Variants in CTSS observed in about 807,000 individuals in gnomAD.
The protein encoded by CTSS is cathepsin S.
In CTSS, 15 loss-of-function variants were observed where a neutral mutation model predicts 39.9. The observed-to-expected ratio is 0.38, with a 90% CI of 0.25 to 0.58. The LOEUF (loss-of-function observed/expected upper bound fraction) is 0.58, where lower values mean the gene tolerates loss of function less well. Ranked by LOEUF, CTSS falls within the 20% of genes least tolerant of loss-of-function variation. The pLI is 0.70. For missense variants in CTSS, 250 were observed against 398.2 expected, an observed-to-expected ratio of 0.63 and a Z score of 3.17; for synonymous variants, 126 against 138.2, an observed-to-expected ratio of 0.91 and a Z score of 0.62.
In CTSS at chr1:150,751,022, T is replaced by C. The variant is rs1210144561; in HGVS notation, c.627+759A>G. 5.3e-5 allele frequency among the ~76,000 whole-genome samples: 8 copies of C among 152,146 alleles called. No individual in the cohort carries two copies. The East Asian group carries it at 1.3e-3, about 26-fold the overall frequency. ...CAATAGTGGTTAAGGTAGAAGGTTT[T>C]TGAGTGATATTTTTATATTTTTAAA... is the stretch of plus-strand genomic sequence containing the variant. On this transcript the variant is annotated intron_variant, in intron 5 of 7. Coordinates refer to ENST00000368985, the MANE Select transcript of CTSS (RefSeq NM_004079.5).
chr1:150,746,453 A>G (rs771295601), intron 7 of CTSS, among the ~76,000 whole-genome samples: 8 of 152,216 alleles, frequency 5.3e-5, no homozygotes, highest in Non-Finnish European at 1.0e-4. Flanking sequence ...TGCTGCGGAT[A>G]TGAAGACCAG....
chr1:150,744,698 T>G (rs968085989), intron 7 of CTSS, among the ~76,000 whole-genome samples: 6 of 144,596 alleles, frequency 4.1e-5, no homozygotes, highest in Admixed American at 7.2e-5. Flanking sequence ...TATTGTATAT[T>G]ATGTATGTAT....
chr1:150,735,005 A>C (rs1354878622), intron 7 of CTSS, among the ~76,000 whole-genome samples: 3 of 152,220 alleles, frequency 2.0e-5, no homozygotes, highest in Non-Finnish European at 4.4e-5. Flanking sequence ...GTGTCTGGAG[A>C]GCAGTAAGAA....
chr1:150,749,852 G>A lies in CTSS; in HGVS notation c.793+154C>T, dbSNP rs185319034. ...TATTTTTCGTAGAGATAAGGGTCTC[G>A]CGATGTTGCTCAGGCTGGTGTCAAA... On this transcript the variant is annotated intron_variant, in intron 6 of 7. Coordinates refer to ENST00000368985, the MANE Select transcript of CTSS (RefSeq NM_004079.5). Among the ~76,000 whole-genome samples the A allele has an allele frequency of 3.6e-4, 55 of 151,600 alleles. No individual in the cohort carries two copies. The highest frequency in any genetic ancestry group is 1.5e-3 in the South Asian group (7 of 4,786).
chr1:150,736,650 A>G (rs1652641097), intron 7 of CTSS, among the ~76,000 whole-genome samples: 1 of 152,170 alleles, frequency 6.6e-6, no homozygotes, highest in Non-Finnish European at 1.5e-5. Flanking sequence ...ACCCCATTCA[A>G]CATCTAAACA....
chr1:150,733,402 T>C (rs1050421220), intron 7 of CTSS, among the ~76,000 whole-genome samples: 6 of 152,342 alleles, frequency 3.9e-5, no homozygotes, highest in African/African-American at 1.4e-4. Flanking sequence ...AGTCCTTTAA[T>C]CCTCCTACTT....
intron 7 of CTSS, among the ~76,000 whole-genome samples, chr1:150,737,270 T>A (rs1402877326): frequency 6.6e-6 from 1 of 151,996 alleles, no homozygotes; most frequent in African/African-American, 2.4e-5. Flanking sequence ...GCCCGGATAA[T>A]TTTGTATTTT....
At chr1:150,749,740 C>T (rs1652970407) in intron 6 of CTSS, among the ~76,000 whole-genome samples, 1 of 151,660 alleles carries the variant, frequency 6.6e-6, no homozygotes, top group African/African-American at 2.4e-5. Flanking sequence ...ACCTCAAATT[C>T]CTGGGTTCAA....
At chr1:150,742,424 G>A (rs1425270451) in intron 7 of CTSS, among the ~76,000 whole-genome samples, 3 of 152,140 alleles carry the variant, frequency 2.0e-5, no homozygotes, top group Non-Finnish European at 4.4e-5. Flanking sequence ...TAAACTTAGG[G>A]AATGATGAAT....
intron 7 of CTSS, among the ~76,000 whole-genome samples, chr1:150,737,125 G>A (rs1652652803): frequency 6.6e-6 from 1 of 150,538 alleles, no homozygotes; most frequent in South Asian, 2.1e-4. Flanking sequence ...TTTTTGAGAC[G>A]GAGTTTCACT....
chr1:150,733,196 G>T (rs914932369), intron 7 of CTSS, 51 bp from the exon 8 acceptor site: 1 of 1,380,604 alleles, frequency 7.2e-7, no homozygotes, highest in Non-Finnish European at 1.0e-6. Context: ...ATCAAACCAT[G>T]TTATCAACTT....
intron 7 of CTSS, among the ~76,000 whole-genome samples, chr1:150,736,836 C>A (rs77044698): frequency 6.6e-6 from 1 of 151,872 alleles, no homozygotes; most frequent in African/African-American, 2.4e-5. Context: ...CAGAATTATA[C>A]AAGATCTGCT....
chr1:150,759,384 C>A (rs1653204250), intron 2 of CTSS, among the ~76,000 whole-genome samples: 1 of 152,006 alleles, frequency 6.6e-6, no homozygotes, highest in African/African-American at 2.4e-5. Flanking sequence ...TATTTTGGAG[C>A]CTCAAACTCT....
intron 7 of CTSS, among the ~76,000 whole-genome samples, chr1:150,734,469 C>T (rs182182960): frequency 1.4e-4 from 21 of 152,016 alleles, no homozygotes; most frequent in Admixed American, 6.6e-4. Flanking sequence ...GGTGAAACCC[C>T]GTCTCTACTA....
At chr1:150,759,978 G>A (rs1273637644) in intron 2 of CTSS, among the ~76,000 whole-genome samples, 3 of 149,884 alleles carry the variant, frequency 2.0e-5, no homozygotes, top group Non-Finnish European at 4.4e-5. Flanking sequence ...CAAACCACAA[G>A]ATGAGAAGCA....
At chr1:150,759,151 T>G (rs1477842334) in intron 2 of CTSS, among the ~76,000 whole-genome samples, 6 of 151,998 alleles carry the variant, frequency 3.9e-5, no homozygotes, top group African/African-American at 1.4e-4. Context: ...ATTACAGGCA[T>G]GAACCATACA....
chr1:150,751,030 TA>T (rs1235687879), intron 5 of CTSS, among the ~76,000 whole-genome samples: 3 of 152,204 alleles, frequency 2.0e-5, no homozygotes, highest in Non-Finnish European at 4.4e-5. Flanking sequence ...TTTTGAGTGA[TA>T]TTTTTATATT....
chr1:150,753,508 C>T (rs922051408), intron 4 of CTSS, among the ~76,000 whole-genome samples: 2 of 152,220 alleles, frequency 1.3e-5, no homozygotes, highest in African/African-American at 4.8e-5. Flanking sequence ...CACCAGGGCT[C>T]TCTCACACAA....
Position 150,764,663 on chromosome 1 carries a change from G to T in CTSS, c.101C>A (p.Thr34Asn), listed in dbSNP as rs1653331125. 1.2e-6 allele frequency: 2 copies of T among 1,614,084 alleles called. No individual in the cohort carries two copies. Among genetic ancestry groups the T allele is most frequent in the East Asian group, 2.2e-5 (1 of 44,882 alleles). ...LDHHWHLWKK[T>N]YGKQYKEKNE... ...CTTTTCCTTGTATTGTTTGCCATAG[G>T]TTTTCTTCCAGAGATGCCAGTGGTG... Residue 34 changes from threonine (T) to asparagine (N), a missense_variant, in exon 2 of 8, where the codon ACC (threonine) becomes AAC (asparagine). Coordinates refer to ENST00000368985, the MANE Select transcript of CTSS (RefSeq NM_004079.5).
Sources: allele counts gnomAD v4.1 joint callset (sites outside exome capture counted in the v4.1 genomes callset), GRCh38; gene constraint gnomAD v4.1.1; transcripts MANE v1.5; gene names NCBI Gene and HGNC (gene_info 2026-07-23, HGNC 2026-07-21).